The following SYNE2 variants were observed in gnomAD, a reference collection of about 807,000 sequenced individuals.
SYNE2 encodes nesprin-2.
In SYNE2, 431 loss-of-function variants were observed where a neutral mutation model predicts 856.3. The ratio of observed to expected loss-of-function variants is 0.50; its 90% CI spans 0.47 to 0.55. The LOEUF is 0.55. SYNE2 is among the 20% of genes least tolerant of loss of function. The pLI is 0.00. For missense variants in SYNE2, 8,129 were observed against 8,023.2 expected, an observed-to-expected ratio of 1.01 and a Z score of -0.50; for synonymous variants, 2,923 against 2,872.3, an observed-to-expected ratio of 1.02 and a Z score of -0.56.
Position 64,129,778 on chromosome 14 carries a change from T to C in SYNE2, c.14020-4T>C. On this transcript the variant is annotated splice_polypyrimidine_tract_variant and splice_region_variant and intron_variant, in intron 74 of 115. Coordinates refer to ENST00000555002, the MANE Select transcript of SYNE2 (RefSeq NM_182914.3). ...TTTCTTTTCTTGTATTGTCTCTCAC[T>C]TAGAAAGCAGATGCATATACAGTGG... The C allele has an allele frequency of 6.2e-7, 1 of 1,614,110 alleles. No individual in the cohort carries two copies. Among genetic ancestry groups the C allele is most frequent in the Non-Finnish European group, 8.5e-7 (1 of 1,180,024 alleles).
intron 1 of SYNE2, among the ~76,000 whole-genome samples, chr14:63,843,098 G>A (rs1318155029): frequency 2.0e-5 from 3 of 152,034 alleles, no homozygotes; most frequent in South Asian, 2.1e-4. Flanking sequence ...GAGTGCAGAC[G>A]AGATCACAGC....
rs1595306480 is a variant in SYNE2 at position 64,071,004 on chromosome 14, C to T, written c.10697+94C>T. 7 of 1,318,112 alleles carry T rather than the reference C, an allele frequency of 5.3e-6. No homozygotes were observed. The East Asian group carries it at 1.7e-4, about 31-fold the overall frequency. 81.7% of individuals were successfully genotyped at this position (1,318,112 alleles called of 1,614,324 possible). A position where few individuals can be genotyped will look rare whatever the true frequency, so the allele number is the denominator to read the frequency against. On this transcript the variant is annotated intron_variant, in intron 52 of 115. Transcript: ENST00000555002. Reference sequence around the variant, plus strand: ...AAGTATAGAATAATGGCAAATGATACAATAGAATTGAGGTGAGACAACACT... The same window carrying T: ...AAGTATAGAATAATGGCAAATGATATAATAGAATTGAGGTGAGACAACACT...
intron 85 of SYNE2, among the ~76,000 whole-genome samples, chr14:64,158,035 C>CA (rs2098299669): frequency 6.6e-6 from 1 of 152,160 alleles, no homozygotes; most frequent in South Asian, 2.1e-4. Context: ...ATTATCAGAA[C>CA]ATACCAGTGG....
intron 2 of SYNE2, among the ~76,000 whole-genome samples, chr14:63,917,142 C>T (rs1358812946): frequency 6.6e-6 from 1 of 151,928 alleles, no homozygotes; most frequent in Non-Finnish European, 1.5e-5. Flanking sequence ...GGAATTTCTA[C>T]CCTTTTGTAG....
rs1491139905 is a variant in SYNE2 at position 63,924,832 on chromosome 14, G to GTTTTTTTTTTTTTTTTTTTTTTTTT, written c.79+15606_79+15607insTTTTTTTTTTTTTTTTTTTTTTTTT. Among the ~76,000 whole-genome samples, 85 of 92,856 alleles carry GTTTTTTTTTTTTTTTTTTTTTTTTT rather than the reference G, an allele frequency of 9.2e-4. 24 individuals carry two copies. The highest frequency in any genetic ancestry group is 1.9e-3 in the East Asian group (5 of 2,656). The allele number at this position is 92,856 out of a possible 152,430, so 60.9% of individuals were successfully genotyped here. A position where few individuals can be genotyped will look rare whatever the true frequency, so the allele number is the denominator to read the frequency against. On this transcript the variant is annotated intron_variant, in intron 2 of 115. Transcript: ENST00000555002. ...TTTAACTTTTTTCCTTCCAGCCTTG[G>GTTTTTTTTTTTTTTTTTTTTTTTTT]TGTTTTTTTTTTTTTTTTTTTTTTT...
intron 72 of SYNE2, 44 bp from the exon 73 acceptor site, chr14:64,126,554 T>G (rs1473542493): frequency 1.2e-6 from 2 of 1,614,172 alleles, no homozygotes; most frequent in South Asian, 1.1e-5. Context: ...GGAAGCCTCT[T>G]GAGGTCAGAG....
intron 56 of SYNE2, among the ~76,000 whole-genome samples, 178 bp from the exon 57 acceptor site, chr14:64,081,265 C>G (rs2097521446): frequency 6.6e-6 from 1 of 152,174 alleles, no homozygotes; most frequent in Admixed American, 6.5e-5. Context: ...CAGAGTTAGT[C>G]TTAAAAGTCA....
intron 63 of SYNE2, among the ~76,000 whole-genome samples, chr14:64,100,531 A>AAAATATATATATAT (rs1491537041): frequency 2.5e-5 from 1 of 39,480 alleles, no homozygotes; most frequent in African/African-American, 9.2e-5. Flanking sequence ...AAAAAAAAAA[A>AAAATATATATATAT]ATATATATAT....
At chr14:64,216,515 T>G (rs2098667322) in intron 108 of SYNE2, 128 bp downstream of exon 108, 1 of 1,048,806 alleles carries the variant, frequency 9.5e-7, no homozygotes, top group South Asian at 1.3e-5. Context: ...GGTTTTCTTA[T>G]GGTGACAGTG....
intron 110 of SYNE2, among the ~76,000 whole-genome samples, chr14:64,219,931 AG>A (rs759106373): frequency 1.3e-5 from 2 of 152,200 alleles, no homozygotes; most frequent in Non-Finnish European, 2.9e-5. Flanking sequence ...GGAGCTGCAA[AG>A]GGACAGTTTG....
In SYNE2 at chr14:64,021,412, T is replaced by A; in HGVS notation, c.5249T>A (p.Leu1750Gln). The stretch of plus-strand genomic sequence containing the variant: ...GCACTCAGTGGCAGCACTGCTGAGC[T>A]AAGGGAGGATCTCGACCAAGCCAAG... ...CHALSGSTAE[L>Q]REDLDQAKTQ... The change falls in exon 36 of 116, where the codon CTA (leucine) becomes CAA (glutamine). Residue 1750 changes from leucine to glutamine, a missense_variant. This residue lies in a region of SYNE2 where 2,422 missense variants were observed against 2,357.4 expected (regional missense o/e 1.03). Transcript: ENST00000555002. 1.2e-6 allele frequency: 2 copies of A among 1,614,194 alleles called. No homozygotes were observed. The highest frequency in any genetic ancestry group is 1.7e-4 in the Middle Eastern group (1 of 6,058).
intron 1 of SYNE2, among the ~76,000 whole-genome samples, chr14:63,790,203 G>A (rs1483641187): frequency 6.6e-6 from 1 of 152,014 alleles, no homozygotes; most frequent in Non-Finnish European, 1.5e-5. Context: ...ATGGTGGCAT[G>A]CACCTGTAGT....
chr14:64,152,802 C>T, intron 85 of SYNE2, 86 bp downstream of exon 85: 1 of 1,525,636 alleles, frequency 6.6e-7, no homozygotes. Flanking sequence ...GTCCTTTACT[C>T]ATGGAGACTC....
Position 64,130,167 on chromosome 14 carries a change from T to G in SYNE2, c.14259T>G (p.Ile4753Met). Residue 4753 changes from isoleucine to methionine, a missense_variant, in exon 76 of 116, where the codon ATT (isoleucine) becomes ATG (methionine). Coordinates refer to ENST00000555002, the MANE Select transcript of SYNE2 (RefSeq NM_182914.3). ...LLQGMVELVK[I>M]GKEKLAHGHL... is the part of the protein sequence containing the mutation. ...AAGGCATGGTGGAACTGGTGAAGATTGGGAAGGAAAAGCTTGCTCATGGCC... is the reference window on the plus strand; with the variant it reads ...AAGGCATGGTGGAACTGGTGAAGATGGGGAAGGAAAAGCTTGCTCATGGCC... The G allele has an allele frequency of 6.2e-7, 1 of 1,614,086 alleles. No individual in the cohort carries two copies. The highest frequency in any genetic ancestry group is 8.5e-7 in the Non-Finnish European group (1 of 1,180,016).
At chr14:63,963,870 T>C (rs1223647682) in intron 9 of SYNE2, 29 bp from the exon 10 acceptor site, 2 of 1,534,300 alleles carry the variant, frequency 1.3e-6, no homozygotes, top group Admixed American at 1.7e-5. Context: ...GTTTAAAATA[T>C]AGTTTAATTT....
intron 81 of SYNE2, 151 bp from the exon 82 acceptor site, chr14:64,141,791 C>T (rs2153692648): frequency 1.0e-6 from 1 of 997,970 alleles, no homozygotes; most frequent in Non-Finnish European, 1.4e-6. Context: ...GTCGCTTATT[C>T]TAAGTTTGAA....
chr14:64,060,066 C>G (rs1002428965), intron 49 of SYNE2, among the ~76,000 whole-genome samples: 1 of 152,180 alleles, frequency 6.6e-6, no homozygotes, highest in African/African-American at 2.4e-5. Context: ...GCTCGCTCCT[C>G]TGGCCCAGGG....
intron 1 of SYNE2, among the ~76,000 whole-genome samples, chr14:63,837,500 G>T (rs1321587086): frequency 6.6e-6 from 1 of 152,140 alleles, no homozygotes; most frequent in Non-Finnish European, 1.5e-5. Context: ...TCAATACAAT[G>T]AAGACAACAC....
chr14:64,191,860 C>T (rs1220971227), intron 99 of SYNE2, among the ~76,000 whole-genome samples: 1 of 152,234 alleles, frequency 6.6e-6, no homozygotes, highest in Admixed American at 6.5e-5. Context: ...GACTTTCCCA[C>T]TTATTCACTG....
Sources: allele counts gnomAD v4.1 joint callset (sites outside exome capture counted in the v4.1 genomes callset), GRCh38; gene constraint gnomAD v4.1.1; regional missense constraint gnomAD v4.1.1; transcripts MANE v1.5; gene names NCBI Gene and HGNC (gene_info 2026-07-23, HGNC 2026-07-21).